Variants in DYNC1I1 observed in about 807,000 individuals in gnomAD.
DYNC1I1 encodes the protein dynein cytoplasmic 1 intermediate chain 1.
DYNC1I1 carries 43 observed loss-of-function variants against 86.6 expected under a neutral mutation model. The ratio of observed to expected loss-of-function variants is 0.50; its 90% CI spans 0.39 to 0.64. DYNC1I1 has a LOEUF of 0.64. Among genes scored for constraint, DYNC1I1 ranks in the 30% least tolerant of loss-of-function variants. The pLI, the probability that DYNC1I1 is intolerant of heterozygous loss-of-function variation, is 0.00. For synonymous variants in DYNC1I1, 262 were observed against 283.7 expected (o/e 0.92, Z 0.77); for missense variants, 604 against 788.8 (o/e 0.77, Z 2.81).
At chr7:95,990,784 C>G (rs564610353) in intron 9 of DYNC1I1, among the ~76,000 whole-genome samples, 49 of 152,274 alleles carry the variant, frequency 3.2e-4, no homozygotes, top group Admixed American at 1.2e-3. Flanking sequence ...AATCCCAACA[C>G]TTTGGGAGGC....
Position 95,858,947 on chromosome 7 carries a change from T to C in DYNC1I1, c.375-10936T>C, listed in dbSNP as rs372793842. Among the ~76,000 whole-genome samples the C allele has an allele frequency of 1.4e-4, 21 of 146,762 alleles. No homozygotes were observed. The East Asian group carries it at 2.1e-3, about 15-fold the overall frequency. ...TATTATATTATATATTATATTAATA[T>C]ATAATATATAATTAATATATAAATG... On this transcript the variant is annotated intron_variant, in intron 5 of 16. Transcript: ENST00000447467.
At chr7:95,831,345 G>T (rs1423915316) in intron 5 of DYNC1I1, among the ~76,000 whole-genome samples, 1 of 152,000 alleles carries the variant, frequency 6.6e-6, no homozygotes, top group Admixed American at 6.6e-5. Flanking sequence ...AATCATTTGG[G>T]TTTGGAATAA....
intron 14 of DYNC1I1, among the ~76,000 whole-genome samples, chr7:96,071,249 A>T (rs1000013038): frequency 6.6e-6 from 1 of 152,234 alleles, no homozygotes; most frequent in African/African-American, 2.4e-5. Flanking sequence ...GGCTTTAATG[A>T]TAATAGTTAC....
At chr7:96,018,243 G>A (rs939352866) in intron 10 of DYNC1I1, among the ~76,000 whole-genome samples, 6 of 152,162 alleles carry the variant, frequency 3.9e-5, no homozygotes, top group South Asian at 2.1e-4. Context: ...GTGCTCAGGC[G>A]GGACCCATGT....
chr7:95,999,914 A>C (rs185164238), intron 10 of DYNC1I1, among the ~76,000 whole-genome samples: 1 of 152,284 alleles, frequency 6.6e-6, no homozygotes, highest in Admixed American at 6.5e-5. Context: ...GTGGTCTGTA[A>C]TCCAAATCTA....
chr7:96,018,421 T>C (rs191587553), intron 10 of DYNC1I1, among the ~76,000 whole-genome samples: 269 of 152,328 alleles, frequency 1.8e-3, no homozygotes, highest in Middle Eastern at 3.4e-3. Flanking sequence ...CCAAAAAATA[T>C]ATATAGGCAA....
intron 2 of DYNC1I1, among the ~76,000 whole-genome samples, chr7:95,808,820 T>A (rs537360085): frequency 1.3e-5 from 2 of 152,284 alleles, no homozygotes; most frequent in African/African-American, 4.8e-5. Context: ...GATTTTTAAT[T>A]ACTAATACTG....
intron 6 of DYNC1I1, among the ~76,000 whole-genome samples, chr7:95,919,598 C>T (rs1332529757): frequency 6.6e-6 from 1 of 152,144 alleles, no homozygotes; most frequent in African/African-American, 2.4e-5. Flanking sequence ...GGACTCTGGG[C>T]AAACATTTTA....
At chr7:95,781,908 G>A (rs144011566) in intron 1 of DYNC1I1, among the ~76,000 whole-genome samples, 9 of 152,240 alleles carry the variant, frequency 5.9e-5, no homozygotes, top group African/African-American at 1.4e-4. Context: ...CCAGAATTCC[G>A]ACTCATTGGA....
intron 15 of DYNC1I1, 86 bp downstream of exon 15, chr7:96,076,283 CG>C: frequency 6.5e-7 from 1 of 1,539,788 alleles, no homozygotes; most frequent in Non-Finnish European, 8.8e-7. Flanking sequence ...TTCTCCAAAA[CG>C]GCCTTTTTTG....
At chr7:95,937,845 C>T (rs1334791625) in intron 6 of DYNC1I1, among the ~76,000 whole-genome samples, 5 of 151,756 alleles carry the variant, frequency 3.3e-5, no homozygotes, top group Admixed American at 2.6e-4. Flanking sequence ...AGTTTACAAC[C>T]AACCATAAAC....
chr7:95,859,169 T>C (rs1789807450), intron 5 of DYNC1I1, among the ~76,000 whole-genome samples: 1 of 151,748 alleles, frequency 6.6e-6, no homozygotes, highest in Non-Finnish European at 1.5e-5. Context: ...TTTAAAATCA[T>C]TTCAGCCTCC....
chr7:96,043,180 A>AG (rs1382702085), intron 14 of DYNC1I1, among the ~76,000 whole-genome samples: 7 of 151,548 alleles, frequency 4.6e-5, no homozygotes, highest in Non-Finnish European at 7.4e-5. Context: ...AAAAAAAAAA[A>AG]AAAGAAAGAA....
chr7:95,969,261 GATA>G (rs1793103341), intron 6 of DYNC1I1, among the ~76,000 whole-genome samples: 1 of 152,046 alleles, frequency 6.6e-6, no homozygotes, highest in Non-Finnish European at 1.5e-5. Context: ...TAAGACTGAA[GATA>G]AGGAAGATGG....
rs115550471 is a variant in DYNC1I1, at chr7:95,936,064, G to A, written c.491-41448G>A. On this transcript the variant is annotated intron_variant, in intron 6 of 16. Transcript: ENST00000447467. ...AGGAGCTAGTCAGATGTGACCTCACGTACCTCACATTTCTCATAATACTCT... is the reference window on the plus strand; with the variant it reads ...AGGAGCTAGTCAGATGTGACCTCACATACCTCACATTTCTCATAATACTCT... 2.9e-3 allele frequency among the ~76,000 whole-genome samples: 436 copies of A among 152,020 alleles called. 1 individual carries two copies. Among genetic ancestry groups the A allele is most frequent in the African/African-American group, 9.1e-3 (378 of 41,528 alleles).
At chr7:96,045,471 TAGG>T (rs1321442150) in intron 14 of DYNC1I1, among the ~76,000 whole-genome samples, 1 of 151,978 alleles carries the variant, frequency 6.6e-6, no homozygotes, top group Admixed American at 6.6e-5. Context: ...CTCAGTGAAT[TAGG>T]AGGAGACATC....
At chr7:95,867,094 C>A (rs1325717052) in intron 5 of DYNC1I1, among the ~76,000 whole-genome samples, 1 of 152,184 alleles carries the variant, frequency 6.6e-6, no homozygotes, top group African/African-American at 2.4e-5. Context: ...GCAGCCACAT[C>A]CTATCCATGT....
chr7:95,818,414 A>C (rs1794996243), intron 4 of DYNC1I1: 1 of 551,482 alleles, frequency 1.8e-6, no homozygotes, highest in African/African-American at 1.9e-5. Context: ...CTATTCTCCC[A>C]CTTCAGCTTC....
At chr7:95,902,474 CAT>C (rs1342180703) in intron 6 of DYNC1I1, among the ~76,000 whole-genome samples, 16 of 152,096 alleles carry the variant, frequency 1.1e-4, no homozygotes, top group South Asian at 4.1e-4. Context: ...AGAAGTGAAA[CAT>C]GTGTTGAAGA....
Sources: allele counts gnomAD v4.1 joint callset (sites outside exome capture counted in the v4.1 genomes callset), GRCh38; gene constraint gnomAD v4.1.1; transcripts MANE v1.5; gene names NCBI Gene and HGNC (gene_info 2026-07-23, HGNC 2026-07-21).